The following NCALD variants were observed in gnomAD, a reference collection of about 807,000 sequenced individuals.
The protein encoded by NCALD is neurocalcin-delta.
Under a neutral mutation model 18.6 loss-of-function variants are expected in NCALD, and 10 were observed. The observed-to-expected ratio is 0.54, with a 90% CI of 0.33 to 0.91. The LOEUF (loss-of-function observed/expected upper bound fraction) is 0.91, where lower values mean the gene tolerates loss of function less well. Among genes scored for constraint, NCALD ranks in the 40% least tolerant of loss-of-function variants. The pLI, the probability that NCALD is intolerant of heterozygous loss-of-function variation, is 0.03. For missense variants in NCALD, 184 were observed against 247.6 expected (o/e 0.74, Z 1.72); for synonymous variants, 88 against 87.4 (o/e 1.01, Z -0.04).
intron 1 of NCALD, among the ~76,000 whole-genome samples, chr8:101,771,348 C>A (rs1811578859): frequency 6.6e-6 from 1 of 152,184 alleles, no homozygotes; most frequent in Admixed American, 6.5e-5. Flanking sequence ...GATGCAGGAG[C>A]ATGAAGCATA....
intron 3 of NCALD, among the ~76,000 whole-genome samples, chr8:101,912,907 A>G (rs1817851137): frequency 6.6e-6 from 1 of 152,260 alleles, no homozygotes; most frequent in South Asian, 2.1e-4. Flanking sequence ...TTGAAGGCAT[A>G]AGCTGCCATG....
chr8:101,879,852 A>G (rs1563852162), intron 4 of NCALD, among the ~76,000 whole-genome samples: 2 of 152,032 alleles, frequency 1.3e-5, no homozygotes, highest in African/African-American at 4.8e-5. Flanking sequence ...TGCATTTACA[A>G]TCCTCCAACT....
intron 1 of NCALD, among the ~76,000 whole-genome samples, chr8:102,120,908 C>G (rs1355095373): frequency 6.6e-6 from 1 of 152,156 alleles, no homozygotes; most frequent in Non-Finnish European, 1.5e-5. Flanking sequence ...GTGCTCTATC[C>G]CTGATTTCTG....
At chr8:101,755,255 TCAACA>T (rs1810828081) in intron 1 of NCALD, among the ~76,000 whole-genome samples, 1 of 152,220 alleles carries the variant, frequency 6.6e-6, no homozygotes, top group Non-Finnish European at 1.5e-5. Context: ...TGGTTTGCCC[TCAACA>T]GTCCCAGTTG....
At position 101,918,803 on chromosome 8, in the gene NCALD, A is replaced by C. The variant is rs183907632; in HGVS notation, c.-156-2945T>G. ...ACCTAGGAAAACATCTAACCAAGGAAGTGAAAGATCTCTACAAGGAAAACT... is the reference window on the plus strand; with the variant it reads ...ACCTAGGAAAACATCTAACCAAGGACGTGAAAGATCTCTACAAGGAAAACT... On this transcript the variant is annotated intron_variant, in intron 2 of 6. Coordinates refer to the NCALD transcript ENST00000311028. Among the ~76,000 whole-genome samples the C allele has an allele frequency of 8.0e-4, 122 of 151,804 alleles. 1 individual carries two copies. The highest frequency in any genetic ancestry group is 2.3e-3 in the African/African-American group (94 of 41,448).
chr8:101,938,022 A>C (rs1421758161), intron 2 of NCALD, among the ~76,000 whole-genome samples: 1 of 152,178 alleles, frequency 6.6e-6, no homozygotes, highest in Non-Finnish European at 1.5e-5. Flanking sequence ...ACAGACTCCA[A>C]GTCTAGTGCA....
chr8:102,045,249 T>C (rs1823199015), intron 1 of NCALD, among the ~76,000 whole-genome samples: 1 of 152,136 alleles, frequency 6.6e-6, no homozygotes, highest in Non-Finnish European at 1.5e-5. Flanking sequence ...AAGTATAACA[T>C]GGTGATTCTA....
intron 2 of NCALD, among the ~76,000 whole-genome samples, chr8:101,922,195 GAA>G (rs375285053): frequency 0.04 from 5,748 of 145,092 alleles, 354 homozygotes; most frequent in African/African-American, 0.13. Context: ...GATGCTTCAT[GAA>G]AAAAAAAAAG....
chr8:102,016,454 GAAGA>G (rs1328501552), intron 2 of NCALD, among the ~76,000 whole-genome samples: 1 of 152,168 alleles, frequency 6.6e-6, no homozygotes, highest in African/African-American at 2.4e-5. Flanking sequence ...GCACAAACAT[GAAGA>G]AAGAGGTCCC....
chr8:101,849,791 CT>C (rs1815018348), intron 4 of NCALD, among the ~76,000 whole-genome samples: 1 of 152,172 alleles, frequency 6.6e-6, no homozygotes, highest in Admixed American at 6.5e-5. Context: ...TTTATCTTTG[CT>C]GCCATGACTG....
chr8:101,715,905 T>G (rs1816055832), intron 2 of NCALD, among the ~76,000 whole-genome samples: 1 of 152,198 alleles, frequency 6.6e-6, no homozygotes. Flanking sequence ...TGGAACACAG[T>G]GTGGCGATTC....
chr8:101,919,546 A>G (rs1360295728), intron 2 of NCALD, among the ~76,000 whole-genome samples: 3 of 152,158 alleles, frequency 2.0e-5, no homozygotes, highest in Non-Finnish European at 2.9e-5. Flanking sequence ...TAATTAAACT[A>G]AAGAGCTTCT....
intron 1 of NCALD, among the ~76,000 whole-genome samples, chr8:102,033,530 A>G (rs1182795284): frequency 6.6e-6 from 1 of 152,166 alleles, no homozygotes; most frequent in East Asian, 1.9e-4. Context: ...AAAGTTATTC[A>G]TTTCCAAGAA....
intron 4 of NCALD, among the ~76,000 whole-genome samples, chr8:101,863,009 T>C (rs1815608414): frequency 6.6e-6 from 1 of 152,156 alleles, no homozygotes; most frequent in South Asian, 2.1e-4. Flanking sequence ...AAGTCAAGTG[T>C]GTAAGTCCTC....
chr8:101,732,779 T>C (rs1816899573), intron 1 of NCALD, among the ~76,000 whole-genome samples: 1 of 151,988 alleles, frequency 6.6e-6, no homozygotes, highest in African/African-American at 2.4e-5. Flanking sequence ...AATTTTTGTA[T>C]TTTCAGTAGA....
chr8:101,949,759 A>T lies in NCALD; in HGVS notation c.-156-33901T>A, dbSNP rs1819317192. ...AAAATCCAGCAACTGAATGATCCTT[A>T]TGCCCCAGGTTGAGACAAAAAAAAA... On this transcript the variant is annotated intron_variant, in intron 2 of 6. Transcript: ENST00000311028. 2.2e-5 allele frequency among the ~76,000 whole-genome samples: 3 copies of T among 135,214 alleles called. No individual in the cohort carries two copies. In the Admixed American group the frequency reaches 2.4e-4, roughly 11 times the overall value. The allele number at this position is 135,214 out of a possible 152,430, so 88.7% of individuals were successfully genotyped here.
chr8:101,973,395 T>C (rs1376917000), intron 2 of NCALD, among the ~76,000 whole-genome samples: 1 of 152,202 alleles, frequency 6.6e-6, no homozygotes, highest in Non-Finnish European at 1.5e-5. Context: ...TGTTTTTCTA[T>C]ACTTAGACTG....
intron 2 of NCALD, among the ~76,000 whole-genome samples, chr8:101,940,066 G>A (rs1194546476): frequency 6.6e-6 from 1 of 152,118 alleles, no homozygotes; most frequent in East Asian, 1.9e-4. Context: ...TATCATGTAT[G>A]TTCTTTTCAA....
intron 1 of NCALD, among the ~76,000 whole-genome samples, chr8:101,765,283 G>T (rs1030182906): frequency 2.6e-5 from 4 of 152,156 alleles, no homozygotes; most frequent in Non-Finnish European, 5.9e-5. Flanking sequence ...CTAGCACACT[G>T]GTGTGGATCC....
Sources: allele counts gnomAD v4.1 joint callset (sites outside exome capture counted in the v4.1 genomes callset), GRCh38; gene constraint gnomAD v4.1.1; transcripts MANE v1.5; gene names NCBI Gene and HGNC (gene_info 2026-07-23, HGNC 2026-07-21).